NRG1: variants seen among roughly 807,000 people sequenced by gnomAD.
NRG1 encodes the protein pro-neuregulin-1, membrane-bound isoform.
In NRG1, 18 loss-of-function variants were observed where a neutral mutation model predicts 63.8. The observed-to-expected ratio is 0.28, with a 90% CI of 0.19 to 0.42. NRG1 has a LOEUF of 0.42. Ranked by LOEUF, NRG1 falls within the 10% of genes least tolerant of loss-of-function variation. NRG1 has a pLI of 1.00. For synonymous variants in NRG1, 302 were observed against 301.3 expected (o/e 1.00, Z -0.02); for missense variants, 762 against 814.7 (o/e 0.94, Z 0.79).
At chr8:32,119,237 A>G (rs1357427246) in intron 1 of NRG1, among the ~76,000 whole-genome samples, 1 of 152,126 alleles carries the variant, frequency 6.6e-6, no homozygotes, top group East Asian at 1.9e-4. Context: ...CCTACAACCC[A>G]TGAAATCAGT....
chr8:31,854,396 C>T (rs963191427), intron 1 of NRG1, among the ~76,000 whole-genome samples: 24 of 152,094 alleles, frequency 1.6e-4, no homozygotes, highest in Admixed American at 1.2e-3. Flanking sequence ...AGTTTATTTG[C>T]GTAGAGGTGT....
chr8:32,001,177 G>T lies in NRG1; in HGVS notation c.37+361746G>T, dbSNP rs555066083. 7.9e-5 allele frequency among the ~76,000 whole-genome samples: 12 copies of T among 151,946 alleles called. 1 individual carries two copies. The South Asian group carries it at 2.5e-3, about 32-fold the overall frequency. On this transcript the variant is annotated intron_variant, in intron 1 of 10. Coordinates refer to the NRG1 transcript ENST00000519301. ...TTTTATTGATATCTGATATTATTTGGCTCTGTGTCCCCACTAACATCTCAC... is the reference window on the plus strand; with the variant it reads ...TTTTATTGATATCTGATATTATTTGTCTCTGTGTCCCCACTAACATCTCAC...
At chr8:31,872,013 GGATGCCTTGATA>G (rs1340521422) in intron 1 of NRG1, among the ~76,000 whole-genome samples, 1 of 152,098 alleles carries the variant, frequency 6.6e-6, no homozygotes, top group Non-Finnish European at 1.5e-5. Flanking sequence ...AAGGCCATTA[GGATGCCTTGATA>G]GATGCCCTTG....
intron 1 of NRG1, among the ~76,000 whole-genome samples, chr8:31,777,692 C>T (rs565387957): frequency 1.8e-4 from 28 of 152,256 alleles, no homozygotes; most frequent in Middle Eastern, 6.8e-3. Context: ...TGATGAGGGC[C>T]TTAGGAAGCT....
intron 1 of NRG1, among the ~76,000 whole-genome samples, chr8:32,511,363 A>ATGTG (rs201423145): frequency 9.7e-5 from 10 of 102,936 alleles, no homozygotes; most frequent in East Asian, 6.8e-4. Context: ...GTCGATATAT[A>ATGTG]TGTGTATATA....
intron 1 of NRG1, among the ~76,000 whole-genome samples, chr8:31,719,220 T>C (rs1188833432): frequency 6.6e-6 from 1 of 152,206 alleles, no homozygotes; most frequent in Non-Finnish European, 1.5e-5. Context: ...GTTTCAGGCA[T>C]ACCTTCTTCC....
chr8:32,176,204 C>T (rs969327843), intron 1 of NRG1, among the ~76,000 whole-genome samples: 2 of 152,070 alleles, frequency 1.3e-5, no homozygotes, highest in Non-Finnish European at 2.9e-5. Context: ...CTTTGACAAA[C>T]CTGAGAAAAA....
chr8:32,594,335 A>G (rs1375189553), intron 1 of NRG1, among the ~76,000 whole-genome samples: 3 of 152,194 alleles, frequency 2.0e-5, no homozygotes, highest in Non-Finnish European at 2.9e-5. Flanking sequence ...GAACTGGAGC[A>G]GAAGTAGATT....
At chr8:32,482,243 T>C (rs978544845) in intron 1 of NRG1, among the ~76,000 whole-genome samples, 5 of 152,312 alleles carry the variant, frequency 3.3e-5, no homozygotes, top group Middle Eastern at 3.4e-3. Context: ...GTTAAAATAC[T>C]GTCACTATGG....
At chr8:31,987,518 CACTT>C (rs1478469874) in intron 1 of NRG1, among the ~76,000 whole-genome samples, 2 of 151,968 alleles carry the variant, frequency 1.3e-5, no homozygotes, top group East Asian at 3.9e-4. Context: ...CACATGTTCT[CACTT>C]ACAAGTGAGA....
intron 5 of NRG1, among the ~76,000 whole-genome samples, chr8:32,624,666 A>G (rs1451668069): frequency 3.3e-5 from 5 of 152,180 alleles, no homozygotes; most frequent in Non-Finnish European, 7.4e-5. Context: ...CCTATGAGCC[A>G]TTATAATTAC....
intron 1 of NRG1, among the ~76,000 whole-genome samples, chr8:32,203,574 C>CTGG (rs1843717732): frequency 6.6e-6 from 1 of 151,966 alleles, no homozygotes; most frequent in South Asian, 2.1e-4. Context: ...GTTGGCCAGG[C>CTGG]TGGTCTCGAA....
At chr8:32,548,487 C>G in exon 1 of NRG1, 1 of 1,199,396 alleles carries the variant, frequency 8.3e-7, no homozygotes. Context: ...CTTCCCGGGG[C>G]GACAGGAGCA....
At chr8:32,698,859 A>T (rs1814078018) in intron 5 of NRG1, among the ~76,000 whole-genome samples, 3 of 152,238 alleles carry the variant, frequency 2.0e-5, no homozygotes, top group Admixed American at 2.0e-4. Flanking sequence ...TTAAAATCTC[A>T]GGACTAGGAG....
intron 5 of NRG1, chr8:32,647,610 G>T (rs1403225189): frequency 2.8e-6 from 4 of 1,444,578 alleles, no homozygotes; most frequent in Admixed American, 5.1e-5. Flanking sequence ...CTTGGACTTG[G>T]ACGATTTATC....
chr8:32,381,279 T>C (rs895056125), intron 1 of NRG1, among the ~76,000 whole-genome samples: 6 of 152,196 alleles, frequency 3.9e-5, no homozygotes, highest in Non-Finnish European at 8.8e-5. Context: ...GTCTTGTCAT[T>C]CCATGAAAAT....
chr8:31,965,310 C>T (rs932638022), intron 1 of NRG1, among the ~76,000 whole-genome samples: 11 of 151,826 alleles, frequency 7.2e-5, no homozygotes, highest in Non-Finnish European at 1.5e-4. Context: ...GCAATGTCTG[C>T]CTCCTAGGTT....
intron 5 of NRG1, among the ~76,000 whole-genome samples, chr8:32,662,208 C>T (rs951308280): frequency 1.3e-5 from 2 of 152,056 alleles, no homozygotes; most frequent in African/African-American, 2.4e-5. Context: ...TCAGGAAAGG[C>T]TTCTTTGAAA....
At chr8:32,412,309 G>C (rs1815076479) in intron 1 of NRG1, among the ~76,000 whole-genome samples, 1 of 151,264 alleles carries the variant, frequency 6.6e-6, no homozygotes, top group African/African-American at 2.4e-5. Flanking sequence ...CAGCATTCCT[G>C]AGTCTCCAAA....
Sources: allele counts gnomAD v4.1 joint callset (sites outside exome capture counted in the v4.1 genomes callset), GRCh38; gene constraint gnomAD v4.1.1; transcripts MANE v1.5; gene names NCBI Gene and HGNC (gene_info 2026-07-23, HGNC 2026-07-21).